Variants in AKR1C3 observed in about 807,000 individuals in gnomAD.
AKR1C3 encodes aldo-keto reductase family 1 member C3.
Under a neutral mutation model 43.6 loss-of-function variants are expected in AKR1C3, and 48 were observed. The observed-to-expected ratio is 1.10, with a 90% CI of 0.87 to 1.40. The LOEUF is 1.40. AKR1C3 is among the 40% of genes most tolerant of loss of function. AKR1C3 has a pLI of 0.00. For synonymous variants in AKR1C3, 162 were observed against 139.6 expected (o/e 1.16, Z -1.13); for missense variants, 482 against 391.2 (o/e 1.23, Z -1.96).
rs369167708 is a variant in AKR1C3 at position 5,102,215 on chromosome 10, T to C, written c.680+5T>C. 13 of 1,609,208 alleles carry C rather than the reference T, an allele frequency of 8.1e-6. No homozygotes were observed. The highest frequency in any genetic ancestry group is 1.3e-5 in the African/African-American group (1 of 74,788). On this transcript the variant is annotated splice_donor_5th_base_variant and intron_variant, in intron 6 of 8. Transcript: ENST00000380554. ...ATCTCAACGAGACAAACGATGGTAA[T>C]AAAAACAATGGGACCTTTACATAAA...
chr10:5,081,315 T>G (rs6601901), intron 1 of AKR1C3, among the ~76,000 whole-genome samples: 43,961 of 151,968 alleles, frequency 0.29, 6,994 homozygotes, highest in Non-Finnish European at 0.35. Context: ...TCATTCAGTT[T>G]TATTGATTTT....
At chr10:5,052,208 T>A (rs1554778999) in intron 1 of AKR1C3, among the ~76,000 whole-genome samples, 1 of 151,612 alleles carries the variant, frequency 6.6e-6, no homozygotes, top group African/African-American at 2.4e-5. Context: ...ACGTCTGGAG[T>A]TGTTCATTCC....
At chr10:5,104,124 A>AGTT (rs1839433552) in intron 7 of AKR1C3, among the ~76,000 whole-genome samples, 1 of 152,120 alleles carries the variant, frequency 6.6e-6, no homozygotes, top group Admixed American at 6.5e-5. Context: ...CTTTTCATGT[A>AGTT]GTTAAATTAT....
intron 1 of AKR1C3, among the ~76,000 whole-genome samples, chr10:5,067,422 T>C (rs1206591934): frequency 6.6e-6 from 1 of 152,166 alleles, no homozygotes; most frequent in Non-Finnish European, 1.5e-5. Flanking sequence ...GAGGGAACTT[T>C]CTCAGTTGTG....
chr10:5,069,879 A>G (rs1335405117), intron 1 of AKR1C3, among the ~76,000 whole-genome samples: 2 of 152,098 alleles, frequency 1.3e-5, no homozygotes, highest in Admixed American at 6.6e-5. Context: ...TGTCTCAAAA[A>G]AAAAAAGGAA....
At chr10:5,060,603 C>T (rs1394648539) in intron 1 of AKR1C3, among the ~76,000 whole-genome samples, 2 of 152,184 alleles carry the variant, frequency 1.3e-5, no homozygotes, top group Admixed American at 6.6e-5. Flanking sequence ...CCCCACCAGA[C>T]TCAGGAGCCC....
chr10:5,053,663 A>G lies in AKR1C3; in HGVS notation c.84+4768A>G, dbSNP rs559478548. On this transcript the variant is annotated intron_variant, in intron 1 of 8. Transcript: ENST00000439082. ...GCCTGCCAGCACATTGTCACCTCTC[A>G]ATCCCCCCTCTAAACAGGACACCCT... 3.9e-4 allele frequency among the ~76,000 whole-genome samples: 59 copies of G among 152,328 alleles called. 2 individuals carry two copies. The South Asian group carries it at 0.012, about 30-fold the overall frequency.
chr10:5,072,126 TTA>T (rs1838623711), intron 1 of AKR1C3, among the ~76,000 whole-genome samples: 1 of 152,202 alleles, frequency 6.6e-6, no homozygotes, highest in South Asian at 2.1e-4. Flanking sequence ...TATGTGACAC[TTA>T]TCTCTGGGTT....
At chr10:5,103,951 A>G (rs782755478) in intron 7 of AKR1C3, among the ~76,000 whole-genome samples, 1 of 152,182 alleles carries the variant, frequency 6.6e-6, no homozygotes, top group African/African-American at 2.4e-5. Flanking sequence ...TATATATATT[A>G]TAGTTTAATA....
intron 1 of AKR1C3, among the ~76,000 whole-genome samples, chr10:5,079,979 C>T (rs535564857): frequency 5.9e-5 from 9 of 152,224 alleles, no homozygotes; most frequent in African/African-American, 1.4e-4. Context: ...AAAGTTAAAG[C>T]GAAATAATGA....
intron 7 of AKR1C3, among the ~76,000 whole-genome samples, chr10:5,104,309 A>G (rs1356462593): frequency 6.6e-6 from 1 of 152,194 alleles, no homozygotes; most frequent in African/African-American, 2.4e-5. Flanking sequence ...AAATATGCAC[A>G]TGGAATTTCT....
chr10:5,091,044 G>A (rs955704686), upstream of AKR1C3, among the ~76,000 whole-genome samples: 1 of 152,060 alleles, frequency 6.6e-6, no homozygotes, highest in African/African-American at 2.4e-5. Flanking sequence ...TAGGATGAGA[G>A]TAATTAGATA....
intron 1 of AKR1C3, among the ~76,000 whole-genome samples, chr10:5,055,789 TG>T (rs1430841047): frequency 6.6e-6 from 1 of 152,188 alleles, no homozygotes; most frequent in Non-Finnish European, 1.5e-5. Context: ...TTCTACTAGA[TG>T]AGTATTTGCC....
chr10:5,063,764 G>GAAAAAAAAAAA lies in AKR1C3; in HGVS notation c.84+14869_84+14870insAAAAAAAAAAA, dbSNP rs1406943359. Among the ~76,000 whole-genome samples the GAAAAAAAAAAA allele has an allele frequency of 9.0e-4, 30 of 33,422 alleles. 2 individuals carry two copies. Among genetic ancestry groups the GAAAAAAAAAAA allele is most frequent in the East Asian group, 2.1e-3 (3 of 1,408 alleles). 21.9% of individuals were successfully genotyped at this position (33,422 alleles called of 152,430 possible). The stretch of plus-strand genomic sequence containing the variant: ...GAGGACAGAGGTAGTCTCTGTCTCA[G>GAAAAAAAAAAA]CAAAAAAAAAAAAAAAAAAAAAAAA... On this transcript the variant is annotated intron_variant, in intron 1 of 8. Transcript: ENST00000439082.
chr10:5,094,601 G>A, intron 1 of AKR1C3, 73 bp downstream of exon 1: 1 of 1,527,766 alleles, frequency 6.5e-7, no homozygotes, highest in Non-Finnish European at 9.0e-7. Context: ...GTATTGGGTT[G>A]TAAGGTTCGT....
At chr10:5,101,599 C>T (rs1839351643) in intron 5 of AKR1C3, among the ~76,000 whole-genome samples, 1 of 152,094 alleles carries the variant, frequency 6.6e-6, no homozygotes, top group East Asian at 1.9e-4. Context: ...GGACATTTTT[C>T]CTTAAGATTT....
At chr10:5,094,741 GTTTC>G (rs781843931) in intron 1 of AKR1C3, among the ~76,000 whole-genome samples, 12 of 152,180 alleles carry the variant, frequency 7.9e-5, no homozygotes, top group South Asian at 6.2e-4. Flanking sequence ...TTTGTGCACT[GTTTC>G]TTTCTTCTGT....
intron 1 of AKR1C3, among the ~76,000 whole-genome samples, chr10:5,067,597 G>C (rs1376792138): frequency 6.7e-6 from 1 of 150,360 alleles, no homozygotes; most frequent in Non-Finnish European, 1.5e-5. Context: ...TCTTGCATGG[G>C]AAAGCTTTTA....
intron 5 of AKR1C3, 110 bp downstream of exon 5, chr10:5,099,559 A>G (rs782088718): frequency 3.4e-5 from 52 of 1,545,696 alleles, no homozygotes; most frequent in Non-Finnish European, 4.6e-5. Flanking sequence ...GTAGAAGATT[A>G]TCTAGAGAGC....
Sources: allele counts gnomAD v4.1 joint callset (sites outside exome capture counted in the v4.1 genomes callset), GRCh38; gene constraint gnomAD v4.1.1; transcripts MANE v1.5; gene names NCBI Gene and HGNC (gene_info 2026-07-23, HGNC 2026-07-21).